The following PITPNM1 variants were observed in gnomAD, a reference collection of about 807,000 sequenced individuals.
The protein encoded by PITPNM1 is membrane-associated phosphatidylinositol transfer protein 1.
In PITPNM1, 74 loss-of-function variants were observed where a neutral mutation model predicts 133.3. The observed-to-expected ratio is 0.56, with a 90% CI of 0.46 to 0.67. The LOEUF is 0.67. Among genes scored for constraint, PITPNM1 ranks in the 30% least tolerant of loss-of-function variants. The pLI is 0.00. For synonymous variants in PITPNM1, 738 were observed against 741.4 expected (o/e 1.00, Z 0.08); for missense variants, 1,398 against 1,739.5 (o/e 0.80, Z 3.49).
At chr11:67,494,984 G>A (rs767064880) in intron 17 of PITPNM1, 28 bp from the exon 18 acceptor site, 7 of 1,608,008 alleles carry the variant, frequency 4.4e-6, no homozygotes, top group Non-Finnish European at 4.3e-6. Context: ...CGAGGCCTCT[G>A]TCTCTTAGGG....
At position 67,495,586 on chromosome 11, in the gene PITPNM1, C is replaced by T. The variant is rs758726996; in HGVS notation, c.2334G>A (p.Thr778=). Residue 778 remains threonine (T), a synonymous_variant, in exon 16 of 24, where the codon ACG becomes ACA. Coordinates refer to ENST00000356404, the MANE Select transcript of PITPNM1 (RefSeq NM_004910.3). The part of the protein sequence containing the change: ...SSLLLADTLQ[T]HSSLFLEELE... ...GCTCCTCCAGAAAGAGGCTGGAGTG[C>T]GTCTGCAGAGTGTCGGCTGGGGGAA... 58 of 1,575,764 alleles carry T rather than the reference C, an allele frequency of 3.7e-5. No individual in the cohort carries two copies. The highest frequency in any genetic ancestry group is 1.1e-4 in the East Asian group (5 of 43,528).
chr11:67,500,211 T>C lies in PITPNM1; in HGVS notation c.851A>G (p.Asn284Ser), dbSNP rs1866280175. 1.2e-6 allele frequency: 2 copies of C among 1,603,962 alleles called. No homozygotes were observed. The highest frequency in any genetic ancestry group is 2.2e-5 in the South Asian group (2 of 90,992). Residue 284 changes from asparagine to serine, a missense_variant, in exon 6 of 24, where the codon AAC (asparagine) becomes AGC (serine). Coordinates refer to ENST00000356404, the MANE Select transcript of PITPNM1 (RefSeq NM_004910.3). ...CTCAGGCCCATCGGGGGTGCCAGTG[T>C]TGCTGGCCGCAGACCGGGCCTCGGT... ...PSTEARSAAS[N>S]TGTPDGPEAP...
chr11:67,496,370 A>C (rs1328483033), intron 14 of PITPNM1, 22 bp from the exon 15 acceptor site: 3 of 1,562,552 alleles, frequency 1.9e-6, no homozygotes, highest in African/African-American at 2.8e-5. Context: ...AAGACAGAGA[A>C]AGATTGTGGG....
chr11:67,496,052 C>T, intron 15 of PITPNM1, 126 bp downstream of exon 15: 2 of 923,114 alleles, frequency 2.2e-6, no homozygotes, highest in Non-Finnish European at 3.0e-6. Context: ...GAAGGAGCGC[C>T]TGGTCCTGGG....
In PITPNM1 at chr11:67,501,886, T is replaced by C; in HGVS notation, c.616A>G (p.Ile206Val). The C allele has an allele frequency of 6.2e-7, 1 of 1,613,666 alleles. No homozygotes were observed. Reference protein sequence around the residue: ...EFRYWGMQAKIEQFIHDVGLR... With the variant: ...EFRYWGMQAKVEQFIHDVGLR... ...CCTACATCATGGATGAACTGCTCGA[T>C]CTTGGCTTGCATGCCCCAGTAGCGG... is the stretch of plus-strand genomic sequence containing the variant. The change falls in exon 5 of 24, where the codon ATC becomes GTC. Residue 206 changes from isoleucine to valine, a missense_variant. By Grantham distance (29) the Ile-to-Val change is conservative. Coordinates refer to ENST00000356404, the MANE Select transcript of PITPNM1 (RefSeq NM_004910.3).
chr11:67,502,830 A>G lies in PITPNM1; in HGVS notation c.79-112T>C. 8.7e-6 allele frequency: 9 copies of G among 1,033,656 alleles called. No homozygotes were observed. The highest frequency in any genetic ancestry group is 1.3e-5 in the Non-Finnish European group (9 of 707,122). 64.0% of individuals were successfully genotyped at this position (1,033,656 alleles called of 1,614,324 possible). A position where few individuals can be genotyped will look rare whatever the true frequency, so the allele number is the denominator to read the frequency against. Reference sequence around the variant, plus strand: ...CTGGGGCCCTGGTCCCAGCCTTTTCAACTCCCTGAAACCAGACCCCGCCCC... The same window carrying G: ...CTGGGGCCCTGGTCCCAGCCTTTTCGACTCCCTGAAACCAGACCCCGCCCC... On this transcript the variant is annotated intron_variant, in intron 2 of 23. Coordinates refer to ENST00000356404, the MANE Select transcript of PITPNM1 (RefSeq NM_004910.3). This position sits in a 1 kb window ranked among gnomAD's most constrained non-coding sequence, Gnocchi z 5.9.
chr11:67,491,935 G>A lies in PITPNM1; in HGVS notation c.*98C>T, dbSNP rs17847834. The A allele has an allele frequency of 1.0e-4, 141 of 1,380,696 alleles. No homozygotes were observed. In the East Asian group the frequency reaches 2.7e-3, roughly 26 times the overall value. The allele number at this position is 1,380,696 out of a possible 1,614,324, so 85.5% of individuals were successfully genotyped here. ...AGGGTGTGGGGCTGGGGGGGCCAGC[G>A]CTGGGGCCAAAAGTCTGGGTCCCCA... On this transcript the variant is annotated 3_prime_UTR_variant, in exon 24 of 24. Transcript: ENST00000356404.
rs1347296935 is a variant in PITPNM1, at chr11:67,502,332, G to T, written c.375C>A (p.Val125=). The T allele has an allele frequency of 6.2e-7, 1 of 1,613,700 alleles. No homozygotes were observed. The highest frequency in any genetic ancestry group is 1.7e-5 in the Admixed American group (1 of 60,032). Residue 125 remains valine, a synonymous_variant, in exon 4 of 24, where the codon GTC becomes GTA. Coordinates refer to ENST00000356404, the MANE Select transcript of PITPNM1 (RefSeq NM_004910.3). The surrounding 1 kb of genome is among the most constrained non-coding windows in gnomAD (Gnocchi z 5.9). ...YLPDGGQQPN[V]FNLSGAERRQ... Reference sequence around the variant, plus strand: ...TCCTCTCGGCCCCGCTCAGGTTGAAGACGTTTGGCTGCTGCCCCCCATCAG... The same window carrying T: ...TCCTCTCGGCCCCGCTCAGGTTGAATACGTTTGGCTGCTGCCCCCCATCAG...
At chr11:67,499,454 C>A (rs1866240697) in intron 8 of PITPNM1, among the ~76,000 whole-genome samples, 1 of 151,100 alleles carries the variant, frequency 6.6e-6, no homozygotes, top group Non-Finnish European at 1.5e-5. Context: ...CCAAAGCCAG[C>A]ATAGACATCA....
Position 67,500,352 on chromosome 11 carries a change from C to T in PITPNM1, c.710G>A (p.Ser237Asn), listed in dbSNP as rs745850203. 6.2e-7 allele frequency: 1 copy of T among 1,612,238 alleles called. No individual in the cohort carries two copies. The highest frequency in any genetic ancestry group is 1.7e-5 in the Admixed American group (1 of 60,036). Residue 237 changes from serine to asparagine, a missense_variant, in exon 6 of 24, where the codon AGC becomes AAC. Physicochemically the swap from Ser to Asn is conservative, Grantham distance 46. Transcript: ENST00000356404. The stretch of plus-strand genomic sequence containing the variant: ...TTCCAGTGCCCGGATGTCAGCCATG[C>T]TCAGCTCTGTCCACTCATCCTGCCA... ...WCWQDEWTEL[S>N]MADIRALEEE...
chr11:67,497,525 T>C lies in PITPNM1; in HGVS notation c.1937A>G (p.Asn646Ser). The C allele has an allele frequency of 6.2e-7, 1 of 1,608,100 alleles. No homozygotes were observed. Among genetic ancestry groups the C allele is most frequent in the Admixed American group, 1.7e-5 (1 of 58,582 alleles). The change falls in exon 13 of 24, where the codon AAC becomes AGC. Residue 646 changes from asparagine (N) to serine (S), a missense_variant. By Grantham distance (46) the Asn-to-Ser change is conservative (BLOSUM62 1). Transcript: ENST00000356404. ...GGTGATGGGGCAGGGACGTCACCTG[T>C]TCTGAGAGCCCTCGGGCTCAGGACT... ...MASPEPEGSQ[N>S]SLQAAPATTS...
rs1265144340 is a variant in PITPNM1 at position 67,502,246 on chromosome 11, G to A, written c.415+46C>T. On this transcript the variant is annotated intron_variant, in intron 4 of 23. Coordinates refer to ENST00000356404, the MANE Select transcript of PITPNM1 (RefSeq NM_004910.3). This position sits in a 1 kb window ranked among gnomAD's most constrained non-coding sequence, Gnocchi z 5.9. ...AGAGGCTGCCCACTGAGGCAGCCAG[G>A]AGCCTGAGAGGGGCGCCAGGGTCCC... 3 of 1,599,230 alleles carry A rather than the reference G, an allele frequency of 1.9e-6. No homozygotes were observed. The highest frequency in any genetic ancestry group is 2.6e-6 in the Non-Finnish European group (3 of 1,173,052).
At chr11:67,496,065 T>G in intron 15 of PITPNM1, 113 bp downstream of exon 15, 2 of 1,005,630 alleles carry the variant, frequency 2.0e-6, no homozygotes, top group Non-Finnish European at 2.7e-6. Context: ...GTCCTGGGAG[T>G]GGTGGCCTGA....
chr11:67,494,524 G>A (rs1448095276), intron 18 of PITPNM1, among the ~76,000 whole-genome samples, 164 bp from the exon 19 acceptor site: 9 of 152,120 alleles, frequency 5.9e-5, no homozygotes, highest in African/African-American at 7.2e-5. Context: ...TGTGGACCCC[G>A]GCCTGAGAGC....
Position 67,500,361 on chromosome 11 carries a change from G to C in PITPNM1, c.701C>G (p.Thr234Arg). The C allele has an allele frequency of 6.2e-7, 1 of 1,612,144 alleles. No homozygotes were observed. The highest frequency in any genetic ancestry group is 1.1e-5 in the South Asian group (1 of 91,088). The change falls in exon 6 of 24, where the codon ACA (threonine) becomes AGA (arginine). Residue 234 changes from threonine to arginine, a missense_variant. Physicochemically the swap from Thr to Arg is moderately conservative, Grantham distance 71. Coordinates refer to ENST00000356404, the MANE Select transcript of PITPNM1 (RefSeq NM_004910.3). ...RQAWCWQDEW[T>R]ELSMADIRAL... ...CCGGATGTCAGCCATGCTCAGCTCT[G>C]TCCACTCATCCTGCCAGCACCAGGC...
chr11:67,492,885 G>C lies in PITPNM1; in HGVS notation c.3471+49C>G, dbSNP rs757323065. The C allele has an allele frequency of 9.2e-5, 147 of 1,590,034 alleles. 2 individuals carry two copies. The highest frequency in any genetic ancestry group is 6.8e-5 in the Admixed American group (4 of 58,634). ...TGGTTCCCAAGGCCTGGGACTGAGG[G>C]CCCTGCCCCCTGGTGGGGTCCTGTT... On this transcript the variant is annotated intron_variant, in intron 23 of 23. Coordinates refer to ENST00000356404, the MANE Select transcript of PITPNM1 (RefSeq NM_004910.3).
At chr11:67,494,571 A>T (rs984875247) in intron 18 of PITPNM1, among the ~76,000 whole-genome samples, 5 of 152,092 alleles carry the variant, frequency 3.3e-5, no homozygotes, top group Admixed American at 2.6e-4. Flanking sequence ...CAGAGCTGTG[A>T]CAGGACGGGA....
At chr11:67,495,844 T>C in intron 15 of PITPNM1, among the ~76,000 whole-genome samples, 1 of 152,302 alleles carries the variant, frequency 6.6e-6, no homozygotes. Flanking sequence ...GGCCCATACA[T>C]ACCTGGGCAT....
At position 67,497,887 on chromosome 11, in the gene PITPNM1, C is replaced by T. The variant is rs1465035834; in HGVS notation, c.1782+30G>A. 4 of 1,599,396 alleles carry T rather than the reference C, an allele frequency of 2.5e-6. No homozygotes were observed. In the African/African-American group the frequency reaches 4.0e-5, roughly 16 times the overall value. ...TAGAGCCAGAGAGGGCCTTTCCGCT[C>T]CTGAGGAGGCCGGGTTTGGCTATAC... On this transcript the variant is annotated intron_variant, in intron 12 of 23. Coordinates refer to ENST00000356404, the MANE Select transcript of PITPNM1 (RefSeq NM_004910.3).
Sources: gnomAD v4.1 joint callset for allele counts (sites outside exome capture counted in the v4.1 genomes callset) on GRCh38, gnomAD v4.1.1 for gene constraint, Gnocchi (gnomAD v3.1) non-coding constraint, MANE v1.5 for transcripts, NCBI Gene and HGNC (gene_info 2026-07-23, HGNC 2026-07-21) for gene names.